Variants in GRM4 observed in about 807,000 individuals in gnomAD.
GRM4 encodes glutamate metabotropic receptor 4.
GRM4 carries 28 observed loss-of-function variants against 81.7 expected under a neutral mutation model. That is an observed-to-expected ratio of 0.34 (90% CI 0.25 to 0.47). GRM4 has a LOEUF of 0.47. Among genes scored for constraint, GRM4 ranks in the 20% least tolerant of loss-of-function variants. The probability of loss-of-function intolerance (pLI) is 1.00; values close to 1 mark genes in which losing one functional copy is unlikely to be tolerated. For missense variants in GRM4, 948 were observed against 1,290.0 expected (o/e 0.73, Z 4.06); for synonymous variants, 488 against 528.8 (o/e 0.92, Z 1.06).
intron 1 of GRM4, chr6:34,154,992 C>G: frequency 8.7e-7 from 1 of 1,146,120 alleles, no homozygotes. Flanking sequence ...GAGCGGGACC[C>G]AGGCCCAGTC....
rs1437644825 is a variant in GRM4 at position 34,074,206 on chromosome 6, G to T, written c.737-12178C>A. ...GAAGCGGAGTCTGGGCACAGACAGG[G>T]GCATGTCCCATCTCAACCACCTACT... is the stretch of plus-strand genomic sequence containing the variant. On this transcript the variant is annotated intron_variant, in intron 3 of 10. Transcript: ENST00000538487. The surrounding 1 kb of genome is among the most constrained non-coding windows in gnomAD (Gnocchi z 4.9). Among the ~76,000 whole-genome samples the T allele has an allele frequency of 6.6e-6, 1 of 152,128 alleles. No homozygotes were observed. Among genetic ancestry groups the T allele is most frequent in the East Asian group, 1.9e-4 (1 of 5,176 alleles).
chr6:34,028,090 C>T (rs200320391), intron 10 of GRM4, 30 bp downstream of exon 10: 4 of 1,592,188 alleles, frequency 2.5e-6, no homozygotes, highest in Admixed American at 3.4e-5. Context: ...GCCTGGGGCC[C>T]GAGAGGGCAG....
upstream of GRM4, among the ~76,000 whole-genome samples, chr6:34,149,224 C>A (rs1770999477): frequency 6.6e-6 from 1 of 151,426 alleles, no homozygotes; most frequent in Admixed American, 6.6e-5. Flanking sequence ...ATAAAGTGAG[C>A]CTGGAGGTGC....
intron 2 of GRM4, among the ~76,000 whole-genome samples, chr6:34,107,027 G>T (rs1243320161): frequency 6.6e-6 from 1 of 152,274 alleles, no homozygotes; most frequent in Non-Finnish European, 1.5e-5. Context: ...ACCACAGGTG[G>T]CTGGAGGCTG....
At position 34,130,115 on chromosome 6, in the gene GRM4, G is replaced by A. The variant is rs536325552; in HGVS notation, c.519+2863C>T. Among the ~76,000 whole-genome samples, 9 of 152,148 alleles carry A rather than the reference G, an allele frequency of 5.9e-5. No homozygotes were observed. The East Asian group carries it at 7.7e-4, about 13-fold the overall frequency. ...TCTCCTTCCCGAGGCTCCTGCTCCCGACCTCCCTCCCCAAAGTTCAATCTT... is the reference window on the plus strand; with the variant it reads ...TCTCCTTCCCGAGGCTCCTGCTCCCAACCTCCCTCCCCAAAGTTCAATCTT... On this transcript the variant is annotated intron_variant, in intron 2 of 10. Transcript: ENST00000538487. The surrounding 1 kb of genome is among the most constrained non-coding windows in gnomAD (Gnocchi z 4.1).
chr6:34,040,255 T>A lies in GRM4; in HGVS notation c.1429A>T (p.Ile477Phe). ...ENGDAPGRYD[I>F]YQYQLRNDSA... ...TCGTTGCGCAGCTGGTATTGGTAGA[T>A]GTCATAGCGCCCAGGCGCATCTCCA... is the stretch of plus-strand genomic sequence containing the variant. The change falls in exon 8 of 11, where the codon ATC (isoleucine) becomes TTC (phenylalanine). Residue 477 changes from isoleucine (I) to phenylalanine (F), a missense_variant. Transcript: ENST00000538487. 1 of 1,614,154 alleles carries A rather than the reference T, an allele frequency of 6.2e-7. No individual in the cohort carries two copies. Among genetic ancestry groups the A allele is most frequent in the Middle Eastern group, 1.6e-4 (1 of 6,062 alleles).
chr6:34,136,123 C>A lies in GRM4; in HGVS notation c.-363-2264G>T, dbSNP rs554422640. On this transcript the variant is annotated intron_variant, in intron 1 of 10. Transcript: ENST00000538487. This position sits in a 1 kb window ranked among gnomAD's most constrained non-coding sequence, Gnocchi z 4.1. ...CCACTGCCATGTGCCAAGCACTGTT[C>A]TAAGTGCTTTACCTACATTTTCTCA... 6.6e-6 allele frequency among the ~76,000 whole-genome samples: 1 copy of A among 152,244 alleles called. No homozygotes were observed. The highest frequency in any genetic ancestry group is 2.4e-5 in the African/African-American group (1 of 41,462).
rs961528960 is a variant in GRM4 at position 34,092,052 on chromosome 6, G to A, written c.567C>T (p.Asn189=). ...YASTAPDLSD[N]SRYDFFSRVV... ...CGCGGGAGAAGAAGTCGTAGCGGCT[G>A]TTGTCACTCAGGTCTGGCGCTGTGG... Residue 189 remains asparagine, a synonymous_variant, in exon 3 of 11, where the codon AAC becomes AAT. Coordinates refer to ENST00000538487, the MANE Select transcript of GRM4 (RefSeq NM_000841.4). This position sits in a 1 kb window ranked among gnomAD's most constrained non-coding sequence, Gnocchi z 6.8. 5 of 1,613,844 alleles carry A rather than the reference G, an allele frequency of 3.1e-6. No homozygotes were observed. Among genetic ancestry groups the A allele is most frequent in the Non-Finnish European group, 4.2e-6 (5 of 1,179,766 alleles).
At chr6:34,106,506 G>A (rs979971368) in intron 2 of GRM4, among the ~76,000 whole-genome samples, 4 of 150,814 alleles carry the variant, frequency 2.7e-5, no homozygotes, top group African/African-American at 9.7e-5. Flanking sequence ...GCCTCTACAC[G>A]ACCTGCACCA....
At position 34,092,222 on chromosome 6, in the gene GRM4, C is replaced by T. The variant is rs1045566458; in HGVS notation, c.520-123G>A. 143 of 648,312 alleles carry T rather than the reference C, an allele frequency of 2.2e-4. No homozygotes were observed. In the Middle Eastern group the frequency reaches 3.1e-3, roughly 14 times the overall value. The allele number at this position is 648,312 out of a possible 1,614,324, so 40.2% of individuals were successfully genotyped here. On this transcript the variant is annotated intron_variant, in intron 2 of 10. Transcript: ENST00000538487. The surrounding 1 kb of genome is among the most constrained non-coding windows in gnomAD (Gnocchi z 6.8). ...AGCCTTGGGACCACCACAGCCCACCCCTCCCCATGGGCGATGCCTCCTCCT... is the reference window on the plus strand; with the variant it reads ...AGCCTTGGGACCACCACAGCCCACCTCTCCCCATGGGCGATGCCTCCTCCT...
intron 2 of GRM4, among the ~76,000 whole-genome samples, chr6:34,107,109 G>C (rs1463726444): frequency 1.3e-5 from 2 of 152,208 alleles, no homozygotes; most frequent in East Asian, 1.9e-4. Flanking sequence ...CAGGCTGCAG[G>C]GGGTATCTCC....
chr6:34,151,327 G>A (rs1484711281), intron 1 of GRM4, among the ~76,000 whole-genome samples: 1 of 151,752 alleles, frequency 6.6e-6, no homozygotes, highest in Non-Finnish European at 1.5e-5. Flanking sequence ...CTCTCTCTTG[G>A]TCCTCTCCCT....
chr6:34,126,295 T>A (rs565425402), intron 2 of GRM4, among the ~76,000 whole-genome samples: 1 of 152,182 alleles, frequency 6.6e-6, no homozygotes, highest in African/African-American at 2.4e-5. Flanking sequence ...AACAACTGTA[T>A]ACCTGCCCCT....
Position 34,042,221 on chromosome 6 carries a change from G to C in GRM4, c.1169-1473C>G, listed in dbSNP as rs1562018942. Reference sequence around the variant, plus strand: ...GCGGAGCTTGCAGTGAGCTGAGATTGCACCATTGCACTCCAGCCTGAGCGA... The same window carrying C: ...GCGGAGCTTGCAGTGAGCTGAGATTCCACCATTGCACTCCAGCCTGAGCGA... On this transcript the variant is annotated intron_variant, in intron 6 of 10. Coordinates refer to ENST00000538487, the MANE Select transcript of GRM4 (RefSeq NM_000841.4). The surrounding 1 kb of genome is among the most constrained non-coding windows in gnomAD (Gnocchi z 4.2). 6.6e-6 allele frequency among the ~76,000 whole-genome samples: 1 copy of C among 152,218 alleles called. No individual in the cohort carries two copies.
Position 34,069,694 on chromosome 6 carries a change from G to A in GRM4, c.737-7666C>T, listed in dbSNP as rs76938285. 0.076 allele frequency among the ~76,000 whole-genome samples: 11,509 copies of A among 150,816 alleles called. 890 individuals are homozygous for A. Among genetic ancestry groups the A allele is most frequent in the African/African-American group, 0.21 (8,506 of 41,022 alleles). On this transcript the variant is annotated intron_variant, in intron 3 of 10. Transcript: ENST00000538487. This position sits in a 1 kb window ranked among gnomAD's most constrained non-coding sequence, Gnocchi z 6.4. ...TGTGTGTGTGTGTGTGTGTGACCCT[G>A]AGCGCCTGCCTCTTCTCCCAGGAGG...
Position 34,062,149 on chromosome 6 carries a change from C to G in GRM4, c.737-121G>C. The G allele has an allele frequency of 2.8e-6, 3 of 1,072,172 alleles. No individual in the cohort carries two copies. In the South Asian group the frequency reaches 4.9e-5, roughly 18 times the overall value. 66.4% of individuals were successfully genotyped at this position (1,072,172 alleles called of 1,614,324 possible). On this transcript the variant is annotated intron_variant, in intron 3 of 10. Transcript: ENST00000538487. ...CTGCCCAGGCTCCCCAGCCTGACTC[C>G]CAGCCCTGGGATCCCAGCCTCTGGA... is the stretch of plus-strand genomic sequence containing the variant.
intron 6 of GRM4, 57 bp downstream of exon 6, chr6:34,056,487 C>A (rs1306685448): frequency 3.4e-6 from 5 of 1,489,930 alleles, no homozygotes; most frequent in Non-Finnish European, 4.6e-6. Context: ...CCCCCAGGCT[C>A]GGCCCTCCCC....
chr6:34,030,773 G>A (rs1242121237), intron 9 of GRM4, among the ~76,000 whole-genome samples: 1 of 152,214 alleles, frequency 6.6e-6, no homozygotes, highest in Non-Finnish European at 1.5e-5. Flanking sequence ...CACAGGCATG[G>A]GCACAGTCAT....
At chr6:34,079,306 A>G (rs1307189047) in intron 3 of GRM4, among the ~76,000 whole-genome samples, 2 of 151,672 alleles carry the variant, frequency 1.3e-5, no homozygotes, top group East Asian at 3.9e-4. Flanking sequence ...AGATAGGACC[A>G]CCTCCCCTGG....
Sources: allele counts gnomAD v4.1 joint callset (sites outside exome capture counted in the v4.1 genomes callset), GRCh38; gene constraint gnomAD v4.1.1; non-coding constraint Gnocchi (gnomAD v3.1); transcripts MANE v1.5; gene names NCBI Gene and HGNC (gene_info 2026-07-23, HGNC 2026-07-21).